The following FLYWCH1 variants were observed in gnomAD, a reference collection of about 807,000 sequenced individuals.
The protein encoded by FLYWCH1 is FLYWCH-type zinc finger 1.
A neutral mutation model predicts 66.4 loss-of-function variants in FLYWCH1; 75 were observed. The ratio of observed to expected loss-of-function variants is 1.13; its 90% CI spans 0.94 to 1.37. The LOEUF is 1.37. FLYWCH1 is among the 40% of genes most tolerant of loss of function. The probability of loss-of-function intolerance (pLI) is 0.00; values close to 1 mark genes in which losing one functional copy is unlikely to be tolerated. For missense variants in FLYWCH1, 1,334 were observed against 1,001.8 expected (o/e 1.33, Z -4.48); for synonymous variants, 595 against 429.9 (o/e 1.38, Z -4.75).
intron 6 of FLYWCH1, chr16:2,934,741 C>T (rs1244360718): frequency 4.4e-6 from 2 of 450,254 alleles, no homozygotes; most frequent in Admixed American, 4.8e-5. Context: ...TGTTCCATCT[C>T]CAGAGAGACA....
rs749349911 is a variant in FLYWCH1 at position 2,940,049 on chromosome 16, C to T, written c.2068C>T (p.Leu690=). The change falls in exon 9 of 10, where the codon CTG becomes TTG. Residue 690 remains leucine (L), a synonymous_variant. Coordinates refer to ENST00000253928, the MANE Select transcript of FLYWCH1 (RefSeq NM_001308068.2). ...QEDPEKIQVQ[L]CFKTCSPESQ... ...TTCCACAGAAAAGATTCAAGTTCAG[C>T]TGTGCTTCAAGACGTGTTCTCCTGA... The T allele has an allele frequency of 5.0e-6, 8 of 1,587,726 alleles. No homozygotes were observed.
chr16:2,940,566 G>C lies in FLYWCH1; in HGVS notation c.2111+474G>C, dbSNP rs866802700. Among the ~76,000 whole-genome samples, 21 of 152,196 alleles carry C rather than the reference G, an allele frequency of 1.4e-4. 1 individual carries two copies. The highest frequency in any genetic ancestry group is 5.1e-4 in the African/African-American group (21 of 41,452). ...TTCTCCTGTCTCAGCCCCCTGAGTA[G>C]CTGGGATTACAGGCATGTACCACCA... On this transcript the variant is annotated intron_variant, in intron 9 of 9. Coordinates refer to ENST00000253928, the MANE Select transcript of FLYWCH1 (RefSeq NM_001308068.2).
intron 2 of FLYWCH1, among the ~76,000 whole-genome samples, chr16:2,925,585 G>GT (rs1204724362): frequency 3.6e-5 from 5 of 140,342 alleles, no homozygotes; most frequent in East Asian, 2.4e-4. Context: ...GGGGGGAGGG[G>GT]GGTACGGGGC....
chr16:2,938,273 G>T lies in FLYWCH1; in HGVS notation c.1867G>T (p.Ala623Ser). ...CTTCCTCTACAGGAAGGAGAAGGCGGCTGGGGAGAAGGTGTACTGGATGTG... is the reference window on the plus strand; with the variant it reads ...CTTCCTCTACAGGAAGGAGAAGGCGTCTGGGGAGAAGGTGTACTGGATGTG... Reference protein sequence around the residue: ...ESFLYRKEKAAGEKVYWMCRD... With the variant: ...ESFLYRKEKASGEKVYWMCRD... Residue 623 changes from alanine (A) to serine (S), a missense_variant, in exon 8 of 10, where the codon GCT (alanine) becomes TCT (serine). Coordinates refer to ENST00000253928, the MANE Select transcript of FLYWCH1 (RefSeq NM_001308068.2). 6.2e-7 allele frequency: 1 copy of T among 1,612,956 alleles called. No individual in the cohort carries two copies. The highest frequency in any genetic ancestry group is 8.5e-7 in the Non-Finnish European group (1 of 1,179,500).
chr16:2,920,419 G>T (rs1426382283), intron 2 of FLYWCH1, among the ~76,000 whole-genome samples: 1 of 151,868 alleles, frequency 6.6e-6, no homozygotes, highest in Non-Finnish European at 1.5e-5. Flanking sequence ...GGAGGCTGAG[G>T]CCTGAGAATC....
At chr16:2,941,987 A>G (rs1164505030) in intron 9 of FLYWCH1, among the ~76,000 whole-genome samples, 2 of 129,788 alleles carry the variant, frequency 1.5e-5, no homozygotes, top group Non-Finnish European at 3.2e-5. Flanking sequence ...ACAGAGCAAG[A>G]CTCATCTCAA....
intron 8 of FLYWCH1, among the ~76,000 whole-genome samples, chr16:2,938,738 G>A (rs1315732847): frequency 8.2e-5 from 12 of 147,166 alleles, no homozygotes; most frequent in African/African-American, 2.5e-4. Flanking sequence ...TCAGCCTCCC[G>A]AGTAGCTGGG....
intron 2 of FLYWCH1, among the ~76,000 whole-genome samples, chr16:2,919,079 G>A (rs9940927): frequency 0.22 from 33,457 of 151,328 alleles, 3,803 homozygotes; most frequent in Non-Finnish European, 0.24. Context: ...GGGATTACAG[G>A]TGCTCACCAC....
chr16:2,923,465 C>T (rs188658669), intron 2 of FLYWCH1, among the ~76,000 whole-genome samples: 4 of 152,016 alleles, frequency 2.6e-5, no homozygotes, highest in African/African-American at 4.8e-5. Context: ...AGGCTGGTCT[C>T]GAACTCCTGA....
At chr16:2,925,974 G>A (rs1032078416) in intron 2 of FLYWCH1, among the ~76,000 whole-genome samples, 2 of 152,152 alleles carry the variant, frequency 1.3e-5, no homozygotes, top group Non-Finnish European at 1.5e-5. Context: ...AAATGTCAGG[G>A]ACTGCAGTCT....
intron 4 of FLYWCH1, 91 bp from the exon 5 acceptor site, chr16:2,933,039 G>C: frequency 8.7e-7 from 1 of 1,147,542 alleles, no homozygotes; most frequent in Admixed American, 2.6e-5. Flanking sequence ...AAAGGAGAAA[G>C]GCTCGTGTCA....
rs117761909 is a variant in FLYWCH1, at chr16:2,933,659, C to T, written c.1250-57C>T. On this transcript the variant is annotated intron_variant, in intron 5 of 9. Coordinates refer to ENST00000253928, the MANE Select transcript of FLYWCH1 (RefSeq NM_001308068.2). ...AGAGGTCCAGGGAGGGAAGGGGGTG[C>T]GATCAGGCCTACCCAGCCCCTGTCC... 8.3e-3 allele frequency: 12,943 copies of T among 1,566,362 alleles called. 72 individuals carry two copies. Among genetic ancestry groups the T allele is most frequent in the Non-Finnish European group, 9.9e-3 (11,477 of 1,155,684 alleles).
intron 1 of FLYWCH1, among the ~76,000 whole-genome samples, chr16:2,912,516 A>G (rs2070024860): frequency 6.6e-6 from 1 of 152,192 alleles, no homozygotes; most frequent in Admixed American, 6.5e-5. Context: ...GCGGGTCGGG[A>G]CGCACCCCGC....
chr16:2,932,709 TAAACA>T (rs1486189110), intron 4 of FLYWCH1, among the ~76,000 whole-genome samples: 24 of 152,072 alleles, frequency 1.6e-4, no homozygotes, highest in Admixed American at 1.6e-3. Context: ...GTAGATTTGT[TAAACA>T]AAACCTAAAA....
chr16:2,941,169 C>A (rs1206231301), intron 9 of FLYWCH1, among the ~76,000 whole-genome samples: 2 of 152,260 alleles, frequency 1.3e-5, no homozygotes, highest in African/African-American at 4.8e-5. Context: ...ACCAGTGAGT[C>A]AGACTGGGCA....
At position 2,938,363 on chromosome 16, in the gene FLYWCH1, A is replaced by G. The variant is rs1218484206; in HGVS notation, c.1957A>G (p.Met653Val). Residue 653 changes from methionine (M) to valine (V), a missense_variant, in exon 8 of 10, where the codon ATG becomes GTG. Met to Val is a conservative substitution (Grantham distance 21). Coordinates refer to ENST00000253928, the MANE Select transcript of FLYWCH1 (RefSeq NM_001308068.2). The part of the protein sequence containing the change: ...AITQGHRIMV[M>V]RSHCHQPDLA... ...AACCCAGGGCCACCGCATCATGGTC[A>G]TGCGCAGCCACTGCCATCAGCCTGA... 6.3e-7 allele frequency: 1 copy of G among 1,589,818 alleles called. No homozygotes were observed. Among genetic ancestry groups the G allele is most frequent in the Non-Finnish European group, 8.6e-7 (1 of 1,166,824 alleles).
At chr16:2,925,491 A>AGAGCGAGG (rs1425721839) in intron 2 of FLYWCH1, among the ~76,000 whole-genome samples, 1 of 141,746 alleles carries the variant, frequency 7.1e-6, no homozygotes, top group Admixed American at 7.4e-5. Context: ...CCTGGAGCTC[A>AGAGCGAGG]GAGCGAGGGA....
At chr16:2,920,840 C>CTTTTT (rs71158122) in intron 2 of FLYWCH1, among the ~76,000 whole-genome samples, 8 of 70,418 alleles carry the variant, frequency 1.1e-4, no homozygotes, top group African/African-American at 2.0e-4. Context: ...AACGCCTGGC[C>CTTTTT]TTTTTTTTTT....
intron 2 of FLYWCH1, among the ~76,000 whole-genome samples, chr16:2,927,140 A>G (rs1178786055): frequency 6.6e-6 from 1 of 152,154 alleles, no homozygotes; most frequent in Non-Finnish European, 1.5e-5. Flanking sequence ...CGTACAAGCA[A>G]CCCATGGCGG....
Sources: allele counts gnomAD v4.1 joint callset (sites outside exome capture counted in the v4.1 genomes callset), GRCh38; gene constraint gnomAD v4.1.1; transcripts MANE v1.5; gene names NCBI Gene and HGNC (gene_info 2026-07-23, HGNC 2026-07-21).